The following BTBD7 variants were observed in gnomAD, a reference collection of about 807,000 sequenced individuals.
BTBD7 encodes BTB/POZ domain-containing protein 7.
BTBD7 carries 38 observed loss-of-function variants against 99.9 expected under a neutral mutation model. That is an observed-to-expected ratio of 0.38 (90% CI 0.29 to 0.50). The LOEUF is 0.50. Among genes scored for constraint, BTBD7 ranks in the 20% least tolerant of loss-of-function variants. The probability of loss-of-function intolerance (pLI) is 0.93; values close to 1 mark genes in which losing one functional copy is unlikely to be tolerated. For missense variants in BTBD7, 1,170 were observed against 1,394.6 expected (o/e 0.84, Z 2.57); for synonymous variants, 520 against 511.4 (o/e 1.02, Z -0.23).
At chr14:93,257,405 A>C (rs1383149753) in intron 5 of BTBD7, 50 bp from the exon 6 acceptor site, 2 of 1,554,530 alleles carry the variant, frequency 1.3e-6, no homozygotes, top group Admixed American at 3.9e-5. Context: ...ATGTTCTGAG[A>C]CAGGTTTCCT....
intron 1 of BTBD7, among the ~76,000 whole-genome samples, chr14:93,297,611 C>T (rs2052945108): frequency 6.6e-6 from 1 of 152,170 alleles, no homozygotes; most frequent in Admixed American, 6.5e-5. Context: ...TCTATTAATT[C>T]CACTTCAAAC....
chr14:93,299,884 C>T (rs1270275129), intron 1 of BTBD7, among the ~76,000 whole-genome samples: 2 of 152,186 alleles, frequency 1.3e-5, no homozygotes, highest in African/African-American at 4.8e-5. Context: ...GACATTTGAG[C>T]ACCTTTAAAG....
chr14:93,279,317 T>G (rs2052691420), intron 3 of BTBD7, among the ~76,000 whole-genome samples: 1 of 152,212 alleles, frequency 6.6e-6, no homozygotes, highest in Non-Finnish European at 1.5e-5. Context: ...AGCTGTCATT[T>G]ATCTCTAGGC....
chr14:93,250,221 T>C lies in BTBD7; in HGVS notation c.1942+1242A>G, dbSNP rs570055383. Among the ~76,000 whole-genome samples the C allele has an allele frequency of 2.0e-5, 3 of 152,288 alleles. No homozygotes were observed. In the East Asian group the frequency reaches 5.8e-4, roughly 29 times the overall value. ...ATACCAGAACAGGACCATACCTCAT[T>C]AGCTAAACAATAGAGAGACAAGCCT... On this transcript the variant is annotated intron_variant, in intron 8 of 10. Transcript: ENST00000334746.
chr14:93,293,365 A>C (rs935968556), intron 3 of BTBD7, among the ~76,000 whole-genome samples: 1 of 152,240 alleles, frequency 6.6e-6, no homozygotes, highest in African/African-American at 2.4e-5. Context: ...AAATAAGATA[A>C]GGAATATTTT....
At chr14:93,252,912 C>T (rs953619026) in intron 7 of BTBD7, among the ~76,000 whole-genome samples, 1 of 152,048 alleles carries the variant, frequency 6.6e-6, no homozygotes, top group Non-Finnish European at 1.5e-5. Context: ...CAGCCTTTGC[C>T]TCCCAGGCTC....
intron 1 of BTBD7, among the ~76,000 whole-genome samples, chr14:93,304,160 A>G (rs1417521186): frequency 6.6e-6 from 1 of 152,228 alleles, no homozygotes; most frequent in African/African-American, 2.4e-5. Context: ...GGGGCCTGCC[A>G]TTTGGAGCCT....
intron 3 of BTBD7, among the ~76,000 whole-genome samples, chr14:93,271,410 A>T (rs1054880827): frequency 2.0e-5 from 3 of 152,164 alleles, no homozygotes; most frequent in African/African-American, 7.2e-5. Context: ...GAACAGGGAG[A>T]TTACAGCTTG....
At chr14:93,308,783 G>A (rs1468207050) in intron 1 of BTBD7, among the ~76,000 whole-genome samples, 1 of 152,200 alleles carries the variant, frequency 6.6e-6, no homozygotes, top group East Asian at 1.9e-4. Flanking sequence ...CTTATATGAA[G>A]TACTTAGAGT....
At position 93,239,435 on chromosome 14, in the gene BTBD7, T is replaced by TTATA. The variant is rs568731028; in HGVS notation, c.*2834_*2837dup. The stretch of plus-strand genomic sequence containing the variant: ...CAGTTCCCATGGCCTAAATTTTATT[T>TTATA]TATATATATATATGCTTTTTTTTTT... On this transcript the variant is annotated 3_prime_UTR_variant, in exon 11 of 11. Coordinates refer to ENST00000334746, the MANE Select transcript of BTBD7 (RefSeq NM_001002860.4). The TTATA allele has an allele frequency of 6.6e-6, 1 of 151,592 alleles. No individual in the cohort carries two copies. The highest frequency in any genetic ancestry group is 2.4e-5 in the African/African-American group (1 of 41,156). 9.4% of individuals were successfully genotyped at this position (151,592 alleles called of 1,614,324 possible).
chr14:93,304,966 T>C lies in BTBD7; in HGVS notation c.-106-8809A>G, dbSNP rs2053053652. Among the ~76,000 whole-genome samples, 4 of 152,174 alleles carry C rather than the reference T, an allele frequency of 2.6e-5. No individual in the cohort carries two copies. The South Asian group carries it at 8.3e-4, about 31-fold the overall frequency. ...CAGAACAAAACAGAAACTCAAAGGTTTCCTCATCCAGGGCAGTCTTCATGA... is the reference window on the plus strand; with the variant it reads ...CAGAACAAAACAGAAACTCAAAGGTCTCCTCATCCAGGGCAGTCTTCATGA... On this transcript the variant is annotated intron_variant, in intron 1 of 10. Transcript: ENST00000334746.
chr14:93,294,737 C>A lies in BTBD7; in HGVS notation c.283G>T (p.Val95Phe). The change falls in exon 3 of 11, where the codon GTT becomes TTT. Residue 95 changes from valine to phenylalanine, a missense_variant. Val to Phe is a conservative substitution (Grantham distance 50). This residue lies in a region of BTBD7 where 359 missense variants were observed against 497.9 expected (regional missense o/e 0.72). Coordinates refer to ENST00000334746, the MANE Select transcript of BTBD7 (RefSeq NM_001002860.4). ...QMRELLSGWDVRDVNALVEEY... is the reference protein window; with the variant it reads ...QMRELLSGWDFRDVNALVEEY... Reference sequence around the variant, plus strand: ...TCCACTAATGCATTGACATCTCTAACATCCCACCCAGAGAGGAGTTCTCGC... The same window carrying A: ...TCCACTAATGCATTGACATCTCTAAAATCCCACCCAGAGAGGAGTTCTCGC... 2 of 1,614,000 alleles carry A rather than the reference C, an allele frequency of 1.2e-6. No homozygotes were observed. The highest frequency in any genetic ancestry group is 2.2e-5 in the South Asian group (2 of 91,054).
At chr14:93,282,853 A>C (rs192145485) in intron 3 of BTBD7, among the ~76,000 whole-genome samples, 167 of 152,200 alleles carry the variant, frequency 1.1e-3, no homozygotes, top group African/African-American at 3.7e-3. Context: ...ACCTGGCCTC[A>C]ATTGATGTTA....
rs141130270 is a variant in BTBD7 at position 93,242,600 on chromosome 14, C to T, written c.3072G>A (p.Pro1024=). The change falls in exon 11 of 11, where the codon CCG becomes CCA. Residue 1024 remains proline (P), a synonymous_variant. Transcript: ENST00000334746. ...GTTGCTCAACGACATCCAGGTGTAT[C>T]GGCTCATTCTTTTGTCTGTGTAGAT... ...DGHLHRQKNE[P]IHLDVVEQPP... The T allele has an allele frequency of 5.6e-6, 9 of 1,614,024 alleles. No individual in the cohort carries two copies. Among genetic ancestry groups the T allele is most frequent in the Admixed American group, 3.3e-5 (2 of 59,996 alleles).
chr14:93,252,537 T>A (rs539884640), intron 7 of BTBD7, among the ~76,000 whole-genome samples: 165 of 151,122 alleles, frequency 1.1e-3, no homozygotes, highest in Non-Finnish European at 2.0e-3. Flanking sequence ...TTTTTTTTTT[T>A]AATTTATCTT....
intron 1 of BTBD7, among the ~76,000 whole-genome samples, chr14:93,303,052 C>T (rs1156290430): frequency 6.6e-6 from 1 of 152,146 alleles, no homozygotes; most frequent in African/African-American, 2.4e-5. Flanking sequence ...GGTATTGGGT[C>T]TTTGTTCGGA....
At chr14:93,261,025 G>A (rs891660511) in intron 5 of BTBD7, among the ~76,000 whole-genome samples, 1 of 152,014 alleles carries the variant, frequency 6.6e-6, no homozygotes, top group African/African-American at 2.4e-5. Context: ...CGAGTAGCTG[G>A]GAGTACAGGC....
At chr14:93,288,742 A>C in intron 3 of BTBD7, 1 of 1,606,198 alleles carries the variant, frequency 6.2e-7, no homozygotes, top group Non-Finnish European at 8.5e-7. Flanking sequence ...TGGCTTTTTC[A>C]TTTTATAACC....
intron 1 of BTBD7, among the ~76,000 whole-genome samples, chr14:93,309,780 C>A (rs1326775433): frequency 6.6e-6 from 1 of 152,172 alleles, no homozygotes; most frequent in African/African-American, 2.4e-5. Context: ...ACACAGAGGA[C>A]AATTAAATGA....
Sources: allele counts gnomAD v4.1 joint callset (sites outside exome capture counted in the v4.1 genomes callset), GRCh38; gene constraint gnomAD v4.1.1; regional missense constraint gnomAD v4.1.1; transcripts MANE v1.5; gene names NCBI Gene and HGNC (gene_info 2026-07-23, HGNC 2026-07-21).